PDE10A: variants seen among roughly 807,000 people sequenced by gnomAD.
PDE10A encodes phosphodiesterase 10A.
A neutral mutation model predicts 97.7 loss-of-function variants in PDE10A; 39 were observed. The ratio of observed to expected loss-of-function variants is 0.40; its 90% confidence interval spans 0.31 to 0.52. The LOEUF (loss-of-function observed/expected upper bound fraction) is 0.52. Among genes scored for constraint, PDE10A ranks in the 20% least tolerant of loss-of-function variants. PDE10A has a pLI of 0.56. For missense variants in PDE10A, 731 were observed against 1,047.8 expected (o/e 0.70, Z 4.17); for synonymous variants, 371 against 376.8 (o/e 0.98, Z 0.18).
At chr6:165,919,589 C>T (rs1393366391) in intron 1 of PDE10A, among the ~76,000 whole-genome samples, 1 of 152,224 alleles carries the variant, frequency 6.6e-6, no homozygotes, top group African/African-American at 2.4e-5. Flanking sequence ...TCTTCCTCCT[C>T]TTCCTCCTTT....
intron 1 of PDE10A, among the ~76,000 whole-genome samples, chr6:165,789,251 T>G (rs1429774661): frequency 6.6e-6 from 1 of 152,248 alleles, no homozygotes; most frequent in East Asian, 1.9e-4. Flanking sequence ...GTTCAACACA[T>G]TCTGTTTCAT....
chr6:165,618,070 G>C (rs1248451768), intron 1 of PDE10A, among the ~76,000 whole-genome samples: 1 of 152,252 alleles, frequency 6.6e-6, no homozygotes, highest in South Asian at 2.1e-4. Context: ...AGGCAGAGAA[G>C]AATCTAGTGA....
chr6:165,759,573 G>A (rs1157567439), intron 1 of PDE10A, among the ~76,000 whole-genome samples: 6 of 152,212 alleles, frequency 3.9e-5, no homozygotes, highest in Non-Finnish European at 7.3e-5. Context: ...CAAGGCACAA[G>A]TCCACTCTCC....
At chr6:165,765,757 C>G (rs1471294342) in intron 1 of PDE10A, among the ~76,000 whole-genome samples, 2 of 152,254 alleles carry the variant, frequency 1.3e-5, no homozygotes, top group African/African-American at 4.8e-5. Context: ...GGCTGAAGGG[C>G]TCCTCAAGTG....
At chr6:165,868,878 TA>T (rs56778875) in intron 1 of PDE10A, among the ~76,000 whole-genome samples, 109,998 of 151,828 alleles carry the variant, frequency 0.72, 40,300 homozygotes, top group East Asian at 0.96. Flanking sequence ...AACAAATCAA[TA>T]AATGAGAGAC....
At chr6:165,411,000 T>C (rs1332462155) in intron 13 of PDE10A, among the ~76,000 whole-genome samples, 1 of 81,876 alleles carries the variant, frequency 1.2e-5, no homozygotes, top group Admixed American at 1.6e-4. Flanking sequence ...GGCAGGAGAA[T>C]GGCGTGAACC....
chr6:165,688,447 A>G (rs554076771), intron 1 of PDE10A, among the ~76,000 whole-genome samples: 1 of 152,322 alleles, frequency 6.6e-6, no homozygotes, highest in South Asian at 2.1e-4. Context: ...GCCTCAGGGT[A>G]TGTAGTGGGC....
intron 12 of PDE10A, among the ~76,000 whole-genome samples, chr6:165,414,550 T>G (rs1356413352): frequency 6.6e-6 from 1 of 152,240 alleles, no homozygotes; most frequent in African/African-American, 2.4e-5. Context: ...ATATCGTATT[T>G]TGTTCATTCA....
chr6:165,490,405 C>T (rs550397933), intron 2 of PDE10A, among the ~76,000 whole-genome samples: 8 of 152,112 alleles, frequency 5.3e-5, no homozygotes, highest in East Asian at 1.9e-4. Flanking sequence ...CAAGAGAATT[C>T]GCCACTACCA....
intron 3 of PDE10A, among the ~76,000 whole-genome samples, chr6:165,479,855 A>G (rs1338138962): frequency 6.6e-6 from 1 of 152,214 alleles, no homozygotes; most frequent in Non-Finnish European, 1.5e-5. Context: ...GGGAAGAGAC[A>G]TAAAACCTAC....
chr6:165,621,200 TAAG>T (rs1319000276), intron 1 of PDE10A, among the ~76,000 whole-genome samples: 2 of 151,656 alleles, frequency 1.3e-5, no homozygotes, highest in African/African-American at 4.8e-5. Context: ...AATGATACAT[TAAG>T]TTCAGTATAT....
chr6:165,640,519 C>T (rs1789079859), intron 1 of PDE10A, among the ~76,000 whole-genome samples: 1 of 152,132 alleles, frequency 6.6e-6, no homozygotes, highest in Non-Finnish European at 1.5e-5. Context: ...AGAAAATGAA[C>T]ATAAAAATTA....
intron 1 of PDE10A, among the ~76,000 whole-genome samples, chr6:165,676,067 G>A (rs989719806): frequency 3.3e-5 from 5 of 152,172 alleles, no homozygotes; most frequent in South Asian, 2.1e-4. Context: ...AGGAAATCAT[G>A]TTTTTTGCAG....
intron 18 of PDE10A, among the ~76,000 whole-genome samples, chr6:165,363,391 T>A (rs1301973896): frequency 6.6e-6 from 1 of 152,048 alleles, no homozygotes; most frequent in Non-Finnish European, 1.5e-5. Context: ...GGCAGGTGCC[T>A]GTAATCCCAG....
intron 1 of PDE10A, among the ~76,000 whole-genome samples, chr6:165,640,576 C>T (rs1789081626): frequency 6.6e-6 from 1 of 152,184 alleles, no homozygotes; most frequent in Non-Finnish European, 1.5e-5. Flanking sequence ...CTGTTACAGA[C>T]CATTAGCCAT....
intron 18 of PDE10A, among the ~76,000 whole-genome samples, chr6:165,356,114 T>A (rs987405803): frequency 6.6e-6 from 1 of 152,034 alleles, no homozygotes; most frequent in Non-Finnish European, 1.5e-5. Flanking sequence ...TCATTCACTA[T>A]CATGAGAATG....
At chr6:165,748,767 G>A (rs1396836141) in intron 1 of PDE10A, among the ~76,000 whole-genome samples, 1 of 151,920 alleles carries the variant, frequency 6.6e-6, no homozygotes, top group Non-Finnish European at 1.5e-5. Flanking sequence ...AAGTTTCAAG[G>A]CACTTAGTGT....
intron 1 of PDE10A, among the ~76,000 whole-genome samples, chr6:165,794,383 A>C (rs1011128788): frequency 6.6e-6 from 1 of 151,248 alleles, no homozygotes; most frequent in African/African-American, 2.4e-5. Context: ...ACAATCCCCC[A>C]CACTCACACA....
chr6:165,823,482 TTATATATATA>T (rs748139541), intron 1 of PDE10A, among the ~76,000 whole-genome samples: 471 of 37,466 alleles, frequency 0.013, 19 homozygotes, highest in East Asian at 0.044. Context: ...ATAGTTAACT[TTATATATATA>T]TATATATATA....
Sources: allele counts gnomAD v4.1 joint callset (sites outside exome capture counted in the v4.1 genomes callset), GRCh38; gene constraint gnomAD v4.1.1; transcripts MANE v1.5; gene names NCBI Gene and HGNC (gene_info 2026-07-23, HGNC 2026-07-21).